The following RABGAP1L variants were observed in gnomAD, a reference collection of about 807,000 sequenced individuals.
The protein encoded by RABGAP1L is rab GTPase-activating protein 1-like.
A neutral mutation model predicts 137.7 loss-of-function variants in RABGAP1L; 63 were observed. The ratio of observed to expected loss-of-function variants is 0.46; its 90% CI spans 0.37 to 0.56. The LOEUF (loss-of-function observed/expected upper bound fraction) is 0.56. Ranked by LOEUF, RABGAP1L falls within the 20% of genes least tolerant of loss-of-function variation. RABGAP1L has a pLI of 0.00. For missense variants in RABGAP1L, 1,095 were observed against 1,244.0 expected, an observed-to-expected ratio of 0.88 and a Z score of 1.80; for synonymous variants, 431 against 433.7, an observed-to-expected ratio of 0.99 and a Z score of 0.08.
At chr1:174,301,126 G>A (rs1677663469) in intron 10 of RABGAP1L, among the ~76,000 whole-genome samples, 1 of 151,994 alleles carries the variant, frequency 6.6e-6, no homozygotes, top group African/African-American at 2.4e-5. Flanking sequence ...TGGAGGTGGG[G>A]TGTGAGCAAG....
chr1:174,775,288 A>C (rs1686432537), intron 18 of RABGAP1L, among the ~76,000 whole-genome samples: 1 of 150,980 alleles, frequency 6.6e-6, no homozygotes, highest in Non-Finnish European at 1.5e-5. Context: ...TGTTAAAATT[A>C]TTATATTTAT....
At chr1:174,617,696 T>G (rs1359244303) in intron 13 of RABGAP1L, among the ~76,000 whole-genome samples, 1 of 152,210 alleles carries the variant, frequency 6.6e-6, no homozygotes, top group African/African-American at 2.4e-5. Flanking sequence ...ATAGAATACC[T>G]GTTGATCCTG....
At chr1:174,808,403 A>G (rs1689540043) in intron 18 of RABGAP1L, among the ~76,000 whole-genome samples, 1 of 152,096 alleles carries the variant, frequency 6.6e-6, no homozygotes, top group South Asian at 2.1e-4. Context: ...GCAGTGAGCT[A>G]TGATTGCACC....
At chr1:174,833,488 A>T (rs868788515) in intron 19 of RABGAP1L, among the ~76,000 whole-genome samples, 5 of 123,440 alleles carry the variant, frequency 4.1e-5, no homozygotes, top group Middle Eastern at 4.1e-3. Context: ...GGGTTCTGTC[A>T]TGTTGCCCAA....
chr1:174,834,441 A>AT (rs1426637645), intron 19 of RABGAP1L, among the ~76,000 whole-genome samples: 2 of 151,658 alleles, frequency 1.3e-5, no homozygotes, highest in Non-Finnish European at 2.9e-5. Flanking sequence ...AAAAAAAAAA[A>AT]AGTAAATTCT....
chr1:174,923,141 A>G (rs1461136675), intron 19 of RABGAP1L, among the ~76,000 whole-genome samples: 1 of 131,182 alleles, frequency 7.6e-6, no homozygotes, highest in African/African-American at 3.7e-5. Flanking sequence ...ACAAGACCCT[A>G]TCTCAGAAAA....
intron 13 of RABGAP1L, among the ~76,000 whole-genome samples, chr1:174,524,380 G>A (rs191142760): frequency 6.6e-6 from 1 of 151,896 alleles, no homozygotes; most frequent in Non-Finnish European, 1.5e-5. Flanking sequence ...TTCTGGTTTC[G>A]ATTTGCATTT....
At chr1:174,986,244 C>G (rs1671584869) in intron 24 of RABGAP1L, among the ~76,000 whole-genome samples, 1 of 152,138 alleles carries the variant, frequency 6.6e-6, no homozygotes, top group Non-Finnish European at 1.5e-5. Flanking sequence ...CCGCCGTGCC[C>G]AGCACAAAAC....
chr1:174,489,712 A>G (rs1660036833), intron 13 of RABGAP1L, among the ~76,000 whole-genome samples: 1 of 152,194 alleles, frequency 6.6e-6, no homozygotes, highest in Non-Finnish European at 1.5e-5. Flanking sequence ...TCATGCTGCT[A>G]TCAAGACACG....
chr1:174,550,330 T>A (rs1168365951), intron 13 of RABGAP1L, among the ~76,000 whole-genome samples: 1 of 152,120 alleles, frequency 6.6e-6, no homozygotes, highest in Non-Finnish European at 1.5e-5. Context: ...CACCAGTAAT[T>A]AGAAATCACT....
intron 13 of RABGAP1L, among the ~76,000 whole-genome samples, chr1:174,527,199 AT>A (rs200033988): frequency 9.2e-6 from 1 of 108,274 alleles, no homozygotes; most frequent in African/African-American, 3.8e-5. Flanking sequence ...TATGATTTTT[AT>A]TTTGTTTTTT....
At chr1:174,439,570 CAGTTT>C (rs2149224769) in intron 13 of RABGAP1L, among the ~76,000 whole-genome samples, 1 of 152,216 alleles carries the variant, frequency 6.6e-6, no homozygotes, top group Non-Finnish European at 1.5e-5. Flanking sequence ...GTGAAATACT[CAGTTT>C]AGTTTAGGGA....
chr1:174,429,523 C>T (rs965455008), intron 13 of RABGAP1L, among the ~76,000 whole-genome samples: 8 of 152,006 alleles, frequency 5.3e-5, no homozygotes, highest in African/African-American at 1.2e-4. Flanking sequence ...GGGTGGATCA[C>T]GAGGTCAGGA....
chr1:174,190,120 T>C (rs1021482998), intron 1 of RABGAP1L, among the ~76,000 whole-genome samples: 4 of 152,014 alleles, frequency 2.6e-5, no homozygotes, highest in Non-Finnish European at 5.9e-5. Context: ...CTGGCCAACA[T>C]GGTGAAACCC....
intron 13 of RABGAP1L, among the ~76,000 whole-genome samples, chr1:174,630,042 G>A (rs1186266172): frequency 6.6e-6 from 1 of 150,720 alleles, no homozygotes; most frequent in African/African-American, 2.4e-5. Flanking sequence ...GTCATAGATA[G>A]CTCTTATTAT....
At chr1:174,385,279 A>G (rs1686665174) in intron 12 of RABGAP1L, among the ~76,000 whole-genome samples, 1 of 152,236 alleles carries the variant, frequency 6.6e-6, no homozygotes, top group South Asian at 2.1e-4. Flanking sequence ...GAGAAAAATA[A>G]ATAACTGGCC....
At chr1:174,363,729 C>T (rs1177076283) in intron 11 of RABGAP1L, among the ~76,000 whole-genome samples, 2 of 151,882 alleles carry the variant, frequency 1.3e-5, no homozygotes, top group Non-Finnish European at 2.9e-5. Flanking sequence ...TCTTCTATCC[C>T]CATTTTTTGA....
intron 11 of RABGAP1L, among the ~76,000 whole-genome samples, chr1:174,328,822 G>T (rs948581685): frequency 2.0e-5 from 3 of 151,864 alleles, no homozygotes; most frequent in African/African-American, 7.3e-5. Flanking sequence ...TGGAAATGCA[G>T]TATACCAAAA....
intron 7 of RABGAP1L, among the ~76,000 whole-genome samples, chr1:174,267,040 A>G (rs1372952030): frequency 6.6e-6 from 1 of 152,214 alleles, no homozygotes; most frequent in Admixed American, 6.5e-5. Context: ...TTCACTAGGA[A>G]CAGAAAGCTG....
Sources: allele counts gnomAD v4.1 joint callset (sites outside exome capture counted in the v4.1 genomes callset), GRCh38; gene constraint gnomAD v4.1.1; transcripts MANE v1.5; gene names NCBI Gene and HGNC (gene_info 2026-07-23, HGNC 2026-07-21).